Variants in GRIA1 observed in about 807,000 individuals in gnomAD.
The protein encoded by GRIA1 is glutamate ionotropic receptor AMPA type subunit 1.
Under a neutral mutation model 99.2 loss-of-function variants are expected in GRIA1, and 31 were observed. That is an observed-to-expected ratio of 0.31 (90% CI 0.23 to 0.42). The LOEUF is 0.42. Ranked by LOEUF, GRIA1 falls within the 10% of genes least tolerant of loss-of-function variation. The pLI is 1.00. For synonymous variants in GRIA1, 438 were observed against 432.4 expected, an observed-to-expected ratio of 1.01 and a Z score of -0.16; for missense variants, 782 against 1,157.5, an observed-to-expected ratio of 0.68 and a Z score of 4.71.
At chr5:153,533,751 A>G (rs1758299088) in intron 2 of GRIA1, among the ~76,000 whole-genome samples, 1 of 152,238 alleles carries the variant, frequency 6.6e-6, no homozygotes, top group Non-Finnish European at 1.5e-5. Flanking sequence ...GGCAAGAGAT[A>G]TTTGGCTAGA....
At chr5:153,676,132 C>T (rs568772565) in intron 6 of GRIA1, among the ~76,000 whole-genome samples, 2 of 152,300 alleles carry the variant, frequency 1.3e-5, no homozygotes, top group Admixed American at 6.5e-5. Context: ...GCTGGGATTA[C>T]AGGCGTGAGC....
chr5:153,530,137 T>G (rs1561615358), intron 2 of GRIA1, among the ~76,000 whole-genome samples: 1 of 152,314 alleles, frequency 6.6e-6, no homozygotes, highest in South Asian at 2.1e-4. Flanking sequence ...CTTACAGAAG[T>G]TCTGGTAGGT....
intron 2 of GRIA1, among the ~76,000 whole-genome samples, chr5:153,524,629 G>T (rs935573396): frequency 6.6e-6 from 1 of 152,190 alleles, no homozygotes; most frequent in East Asian, 1.9e-4. Flanking sequence ...GATATAGTGT[G>T]TGCTTTTCTA....
chr5:153,782,520 CT>C (rs1239994304), intron 13 of GRIA1, among the ~76,000 whole-genome samples: 13 of 152,058 alleles, frequency 8.5e-5, no homozygotes, highest in African/African-American at 3.1e-4. Flanking sequence ...AACTATACAA[CT>C]TTTTTAGTAG....
intron 2 of GRIA1, among the ~76,000 whole-genome samples, chr5:153,563,555 A>T (rs1247037268): frequency 1.3e-5 from 2 of 152,230 alleles, no homozygotes; most frequent in Admixed American, 1.3e-4. Flanking sequence ...AAAATTAAAC[A>T]ACATGAAACT....
At chr5:153,543,773 T>C (rs1347524564) in intron 2 of GRIA1, among the ~76,000 whole-genome samples, 3 of 152,206 alleles carry the variant, frequency 2.0e-5, no homozygotes, top group Non-Finnish European at 2.9e-5. Context: ...AGAGGCAGCT[T>C]CATAATTACT....
intron 2 of GRIA1, among the ~76,000 whole-genome samples, chr5:153,528,240 C>A (rs912715216): frequency 6.6e-6 from 1 of 151,974 alleles, no homozygotes; most frequent in Non-Finnish European, 1.5e-5. Flanking sequence ...GAATAAATGT[C>A]TTTTAAATTT....
chr5:153,635,393 C>T (rs1753277767), intron 2 of GRIA1, among the ~76,000 whole-genome samples: 1 of 152,204 alleles, frequency 6.6e-6, no homozygotes, highest in African/African-American at 2.4e-5. Context: ...TCCCACAACC[C>T]ACTTCTCTTT....
rs77657699 is a variant in GRIA1, at chr5:153,491,553, C to G, written c.82+583C>G. Among the ~76,000 whole-genome samples, 1,227 of 152,178 alleles carry G rather than the reference C, an allele frequency of 8.1e-3. 12 individuals are homozygous for G. The highest frequency in any genetic ancestry group is 0.017 in the African/African-American group (714 of 41,516). ...GCTCCCTCTCCTGTTCTGGACTCCTCCAGCTGCCTTCTCTTTGCTGTCTGC... is the reference window on the plus strand; with the variant it reads ...GCTCCCTCTCCTGTTCTGGACTCCTGCAGCTGCCTTCTCTTTGCTGTCTGC... On this transcript the variant is annotated intron_variant, in intron 1 of 15. Transcript: ENST00000285900.
At chr5:153,489,973 G>A (rs190309779), upstream of GRIA1, 246 of 392,552 alleles carry the variant, frequency 6.3e-4, no homozygotes, top group Non-Finnish European at 1.1e-3. Context: ...ACTTGTAAAG[G>A]TAGACAGGGA....
chr5:153,520,786 C>A (rs920478445), intron 2 of GRIA1, among the ~76,000 whole-genome samples: 1 of 152,024 alleles, frequency 6.6e-6, no homozygotes, highest in African/African-American at 2.4e-5. Flanking sequence ...GAAAATCAAA[C>A]GTAAGAATTA....
At chr5:153,672,496 G>A (rs1282722570) in intron 5 of GRIA1, among the ~76,000 whole-genome samples, 2 of 152,156 alleles carry the variant, frequency 1.3e-5, no homozygotes, top group Non-Finnish European at 2.9e-5. Flanking sequence ...GAGCCAGACA[G>A]GGAAATCACA....
chr5:153,687,651 G>A (rs893194694), intron 8 of GRIA1, among the ~76,000 whole-genome samples: 2 of 152,148 alleles, frequency 1.3e-5, no homozygotes, highest in African/African-American at 4.8e-5. Flanking sequence ...TGTGGCTAGT[G>A]GCTACCACAT....
At chr5:153,763,250 G>T (rs1286302335) in intron 11 of GRIA1, among the ~76,000 whole-genome samples, 1 of 152,192 alleles carries the variant, frequency 6.6e-6, no homozygotes, top group Non-Finnish European at 1.5e-5. Flanking sequence ...ACAGATAAGG[G>T]TTTTGCAAGC....
At chr5:153,611,795 G>A (rs1766011185) in intron 2 of GRIA1, among the ~76,000 whole-genome samples, 1 of 152,198 alleles carries the variant, frequency 6.6e-6, no homozygotes, top group Non-Finnish European at 1.5e-5. Context: ...TTCAGCCAAA[G>A]CTACGTGAGC....
intron 2 of GRIA1, among the ~76,000 whole-genome samples, chr5:153,511,708 C>T (rs933868989): frequency 5.9e-5 from 9 of 152,218 alleles, no homozygotes; most frequent in African/African-American, 1.7e-4. Context: ...AGCCAGGTCA[C>T]GATGCTAACA....
At chr5:153,705,419 A>G (rs918835592) in intron 10 of GRIA1, among the ~76,000 whole-genome samples, 2 of 152,158 alleles carry the variant, frequency 1.3e-5, no homozygotes, top group African/African-American at 2.4e-5. Flanking sequence ...AAAACAACAG[A>G]TACCACAACA....
intron 11 of GRIA1, among the ~76,000 whole-genome samples, chr5:153,741,862 G>GCA (rs1174770909): frequency 6.6e-6 from 1 of 151,142 alleles, no homozygotes; most frequent in African/African-American, 2.4e-5. Context: ...ACAATACTGT[G>GCA]CACTGAAAAC....
At chr5:153,657,289 C>T (rs1755029128) in intron 5 of GRIA1, among the ~76,000 whole-genome samples, 2 of 152,188 alleles carry the variant, frequency 1.3e-5, no homozygotes, top group Admixed American at 6.5e-5. Context: ...CTGCATCACC[C>T]ATCAAATTTT....
Sources: allele counts gnomAD v4.1 joint callset (sites outside exome capture counted in the v4.1 genomes callset), GRCh38; gene constraint gnomAD v4.1.1; transcripts MANE v1.5; gene names NCBI Gene and HGNC (gene_info 2026-07-23, HGNC 2026-07-21).